The following FAM81A variants were observed in gnomAD, a reference collection of about 807,000 sequenced individuals.
The protein encoded by FAM81A is family with sequence similarity 81 member A.
A neutral mutation model predicts 46.7 loss-of-function variants in FAM81A; 19 were observed. That is an observed-to-expected ratio of 0.41 (90% confidence interval 0.28 to 0.60). The LOEUF is 0.60. FAM81A is among the 20% of genes least tolerant of loss of function. The pLI, the probability that FAM81A is intolerant of heterozygous loss-of-function variation, is 0.34. For synonymous variants in FAM81A, 183 were observed against 152.9 expected, an observed-to-expected ratio of 1.20 and a Z score of -1.45; for missense variants, 377 against 453.5, an observed-to-expected ratio of 0.83 and a Z score of 1.53.
intron 3 of FAM81A, among the ~76,000 whole-genome samples, chr15:59,480,899 C>T (rs1456168819): frequency 6.6e-6 from 1 of 152,102 alleles, no homozygotes; most frequent in African/African-American, 2.4e-5. Context: ...CGTCTAACAC[C>T]TTCTGTTTTC....
intron 3 of FAM81A, among the ~76,000 whole-genome samples, chr15:59,489,310 C>T (rs12906082): frequency 0.04 from 5,095 of 128,522 alleles, 84 homozygotes; most frequent in African/African-American, 0.044. Flanking sequence ...TACATACATA[C>T]ATATATACAT....
At chr15:59,426,039 T>C (rs1437598305) in intron 2 of FAM81A, among the ~76,000 whole-genome samples, 2 of 152,220 alleles carry the variant, frequency 1.3e-5, no homozygotes, top group African/African-American at 4.8e-5. Context: ...GAGTTTATGT[T>C]CTTTTGAACA....
At chr15:59,443,702 A>C (rs1429553294) in intron 1 of FAM81A, among the ~76,000 whole-genome samples, 2 of 151,782 alleles carry the variant, frequency 1.3e-5, no homozygotes, top group African/African-American at 4.8e-5. Context: ...TGTTCCTTGC[A>C]CTCCCACATC....
At chr15:59,427,591 C>T (rs555651673) in intron 2 of FAM81A, among the ~76,000 whole-genome samples, 1 of 152,214 alleles carries the variant, frequency 6.6e-6, no homozygotes, top group African/African-American at 2.4e-5. Flanking sequence ...TGCCATTCTA[C>T]CGTCTATCTC....
intron 3 of FAM81A, among the ~76,000 whole-genome samples, chr15:59,482,769 C>T (rs1256937373): frequency 6.6e-6 from 1 of 152,240 alleles, no homozygotes; most frequent in African/African-American, 2.4e-5. Context: ...ATAAGTGTTA[C>T]TTTCTATTGA....
At chr15:59,430,014 C>A (rs1373990948) in intron 2 of FAM81A, among the ~76,000 whole-genome samples, 3 of 152,042 alleles carry the variant, frequency 2.0e-5, no homozygotes, top group African/African-American at 7.2e-5. Flanking sequence ...TTTTACTTTA[C>A]CATTCATGAG....
intron 4 of FAM81A, among the ~76,000 whole-genome samples, chr15:59,501,218 C>T (rs1483620274): frequency 1.3e-5 from 2 of 152,148 alleles, no homozygotes; most frequent in Non-Finnish European, 2.9e-5. Flanking sequence ...TGTCACTCCT[C>T]AGTACAGTTT....
chr15:59,510,727 A>G (rs2082197633), intron 6 of FAM81A, among the ~76,000 whole-genome samples: 2 of 130,310 alleles, frequency 1.5e-5, no homozygotes, highest in African/African-American at 2.9e-5. Flanking sequence ...GTAGTGAGCT[A>G]TGATTGAGCC....
intron 3 of FAM81A, among the ~76,000 whole-genome samples, chr15:59,486,347 G>A (rs73417042): frequency 0.13 from 19,790 of 151,696 alleles, 2,155 homozygotes; most frequent in African/African-American, 0.3. Context: ...AATACACAGA[G>A]GAGACAAAAA....
intron 3 of FAM81A, among the ~76,000 whole-genome samples, chr15:59,467,339 G>A (rs1226255839): frequency 2.0e-5 from 3 of 152,186 alleles, no homozygotes; most frequent in Non-Finnish European, 4.4e-5. Context: ...CTATCCATGA[G>A]CATGGAATAT....
intron 1 of FAM81A, among the ~76,000 whole-genome samples, chr15:59,398,971 C>T (rs553437783): frequency 4.6e-5 from 7 of 151,914 alleles, no homozygotes; most frequent in South Asian, 2.1e-4. Flanking sequence ...AGATCGAGAC[C>T]ATCCTGGCTA....
intron 2 of FAM81A, among the ~76,000 whole-genome samples, chr15:59,459,482 G>C (rs1303835197): frequency 6.6e-6 from 1 of 152,110 alleles, no homozygotes; most frequent in Non-Finnish European, 1.5e-5. Context: ...GCCCTTTCCA[G>C]ATCTCTAAAT....
intron 4 of FAM81A, among the ~76,000 whole-genome samples, chr15:59,501,661 T>C (rs531344174): frequency 6.6e-6 from 1 of 152,340 alleles, no homozygotes; most frequent in South Asian, 2.1e-4. Flanking sequence ...GATGGACTTC[T>C]GACCACCAGT....
chr15:59,487,516 A>T (rs8028232), intron 3 of FAM81A, among the ~76,000 whole-genome samples: 1 of 151,790 alleles, frequency 6.6e-6, no homozygotes, highest in Admixed American at 6.6e-5. Context: ...CTTTAGCTAG[A>T]CTAAGAAAAA....
intron 6 of FAM81A, among the ~76,000 whole-genome samples, chr15:59,513,271 T>C (rs1246695565): frequency 6.6e-6 from 1 of 152,054 alleles, no homozygotes; most frequent in Non-Finnish European, 1.5e-5. Flanking sequence ...CAAGGGCAAT[T>C]TGGGGAACGT....
rs115623480 is a variant in FAM81A at position 59,522,357 on chromosome 15, G to C, written c.*979G>C. The C allele has an allele frequency of 3.5e-4, 54 of 152,580 alleles. No homozygotes were observed. The highest frequency in any genetic ancestry group is 1.3e-3 in the African/African-American group (53 of 41,410). The allele number at this position is 152,580 out of a possible 1,614,324, so 9.5% of individuals were successfully genotyped here. A position where few individuals can be genotyped will look rare whatever the true frequency, so the allele number is the denominator to read the frequency against. On this transcript the variant is annotated 3_prime_UTR_variant, in exon 9 of 9. Transcript: ENST00000288228. ...GACAAAATAGAAAGTATGATAATCC[G>C]TCAGAAGTATGATGTAAAACTGGAA...
chr15:59,514,496 C>A, intron 7 of FAM81A, 72 bp downstream of exon 7: 1 of 1,491,156 alleles, frequency 6.7e-7, no homozygotes, highest in Non-Finnish European at 9.0e-7. Context: ...AATAATAATA[C>A]CTAGTAATTT....
At chr15:59,496,347 C>T (rs1264425006) in intron 4 of FAM81A, among the ~76,000 whole-genome samples, 1 of 152,174 alleles carries the variant, frequency 6.6e-6, no homozygotes, top group Non-Finnish European at 1.5e-5. Context: ...TGGCTCACGC[C>T]TGTAATCCCA....
At chr15:59,441,974 C>T (rs1177379256) in intron 1 of FAM81A, among the ~76,000 whole-genome samples, 1 of 152,268 alleles carries the variant, frequency 6.6e-6, no homozygotes, top group African/African-American at 2.4e-5. Context: ...CTAATCCTCA[C>T]TCCAACTCTG....
Sources: gnomAD v4.1 joint callset for allele counts (sites outside exome capture counted in the v4.1 genomes callset) on GRCh38, gnomAD v4.1.1 for gene constraint, MANE v1.5 for transcripts, NCBI Gene and HGNC (gene_info 2026-07-23, HGNC 2026-07-21) for gene names.